Variants in SLC9A2 observed in about 807,000 individuals in gnomAD.
SLC9A2 encodes the protein sodium/hydrogen exchanger 2.
In SLC9A2, 42 loss-of-function variants were observed where a neutral mutation model predicts 71.7. That is an observed-to-expected ratio of 0.59 (90% CI 0.46 to 0.76). The LOEUF (loss-of-function observed/expected upper bound fraction) is 0.76, where lower values mean the gene tolerates loss of function less well. Among genes scored for constraint, SLC9A2 ranks in the 30% least tolerant of loss-of-function variants. The pLI is 0.00. For synonymous variants in SLC9A2, 396 were observed against 392.5 expected (o/e 1.01, Z -0.10); for missense variants, 829 against 1,017.4 (o/e 0.81, Z 2.52).
In SLC9A2 at chr2:102,663,528, C is replaced by T. The variant is rs57554488; in HGVS notation, c.754-1572C>T. Among the ~76,000 whole-genome samples the T allele has an allele frequency of 8.3e-3, 1,268 of 152,276 alleles. 18 individuals carry two copies. Among genetic ancestry groups the T allele is most frequent in the African/African-American group, 0.028 (1,177 of 41,552 alleles). ...GAAGTAAAAAGTGAGATGGCATTTGCCAGGCCGCACACTGCTTACCAGGCA... is the reference window on the plus strand; with the variant it reads ...GAAGTAAAAAGTGAGATGGCATTTGTCAGGCCGCACACTGCTTACCAGGCA... On this transcript the variant is annotated intron_variant, in intron 2 of 11. Transcript: ENST00000233969.
chr2:102,646,059 T>C (rs1676717465), intron 1 of SLC9A2, among the ~76,000 whole-genome samples: 1 of 152,070 alleles, frequency 6.6e-6, no homozygotes. Flanking sequence ...GAGAGAAAGA[T>C]CAGGTTACCT....
chr2:102,621,561 G>A (rs191741041), intron 1 of SLC9A2, among the ~76,000 whole-genome samples: 190 of 152,122 alleles, frequency 1.2e-3, no homozygotes, highest in African/African-American at 4.3e-3. Flanking sequence ...ATAATGATTC[G>A]ATTAAGTTGT....
At chr2:102,651,991 C>T (rs1221442006) in intron 1 of SLC9A2, among the ~76,000 whole-genome samples, 1 of 152,076 alleles carries the variant, frequency 6.6e-6, no homozygotes, top group Non-Finnish European at 1.5e-5. Context: ...GCTAAAGAGT[C>T]ACATTCTGTC....
chr2:102,700,358 G>A (rs1393959513), intron 7 of SLC9A2, among the ~76,000 whole-genome samples: 1 of 152,120 alleles, frequency 6.6e-6, no homozygotes, highest in African/African-American at 2.4e-5. Context: ...GTGAGTGGCG[G>A]TATGAAAGAG....
chr2:102,629,961 C>T (rs1676326426), intron 1 of SLC9A2, among the ~76,000 whole-genome samples: 1 of 152,038 alleles, frequency 6.6e-6, no homozygotes, highest in South Asian at 2.1e-4. Context: ...ACAATAATTT[C>T]ATGGAACATA....
chr2:102,641,103 T>C (rs965819077), intron 1 of SLC9A2, among the ~76,000 whole-genome samples: 16 of 152,114 alleles, frequency 1.1e-4, no homozygotes, highest in African/African-American at 3.9e-4. Flanking sequence ...AATAGGAGCG[T>C]CACAGTGAAT....
At chr2:102,690,125 T>C (rs1488569497) in intron 5 of SLC9A2, among the ~76,000 whole-genome samples, 1 of 151,952 alleles carries the variant, frequency 6.6e-6, no homozygotes, top group Non-Finnish European at 1.5e-5. Context: ...AACATAGCAA[T>C]ATTTAGAAAT....
chr2:102,620,173 C>A (rs772902314), intron 1 of SLC9A2, 36 bp downstream of exon 1: 2 of 1,556,162 alleles, frequency 1.3e-6, no homozygotes, highest in African/African-American at 1.4e-5. Flanking sequence ...TGGGAGGGGG[C>A]GATCTCGGGG....
Position 102,683,295 on chromosome 2 carries a change from G to A in SLC9A2, c.1039G>A (p.Val347Ile), listed in dbSNP as rs368738669. ...TACAMTMNKY[V>I]EENVSQKSYT... ...TTGTGCAATGACTATGAATAAGTAC[G>A]TAGAAGAAAATGTATCTCAGAAATC... Residue 347 changes from valine to isoleucine, a missense_variant, in exon 4 of 12, where the codon GTA (valine) becomes ATA (isoleucine). This residue lies in a region of SLC9A2 where 500 missense variants were observed against 726.3 expected (regional missense o/e 0.69). Transcript: ENST00000233969. The A allele has an allele frequency of 1.4e-5, 23 of 1,613,516 alleles. No homozygotes were observed. The highest frequency in any genetic ancestry group is 2.7e-5 in the African/African-American group (2 of 74,842).
chr2:102,634,570 T>G (rs1482160769), intron 1 of SLC9A2, among the ~76,000 whole-genome samples: 1 of 152,216 alleles, frequency 6.6e-6, no homozygotes, highest in Admixed American at 6.5e-5. Flanking sequence ...TATCATACCA[T>G]GAAAATCTGT....
rs550426845 is a variant in SLC9A2 at position 102,678,500 on chromosome 2, C to A, written c.1005-4761C>A. ...CAGAATTTTCTATAATATAAAGAAT[C>A]TATTTAGGTTATTATTTTGTTGGGG... is the stretch of plus-strand genomic sequence containing the variant. On this transcript the variant is annotated intron_variant, in intron 3 of 11. Coordinates refer to ENST00000233969, the MANE Select transcript of SLC9A2 (RefSeq NM_003048.6). Among the ~76,000 whole-genome samples, 6 of 152,150 alleles carry A rather than the reference C, an allele frequency of 3.9e-5. No individual in the cohort carries two copies. In the South Asian group the frequency reaches 1.2e-3, roughly 32 times the overall value.
intron 3 of SLC9A2, among the ~76,000 whole-genome samples, chr2:102,670,036 TTTTTA>T (rs1386065300): frequency 7.2e-5 from 2 of 27,606 alleles, no homozygotes; most frequent in East Asian, 0.083. Context: ...TTATTTTTAT[TTTTTA>T]TTTTTTTTGA....
At chr2:102,688,801 T>C (rs11903595) in intron 5 of SLC9A2, among the ~76,000 whole-genome samples, 124,227 of 152,172 alleles carry the variant, frequency 0.82, 50,962 homozygotes, top group East Asian at 0.93. Flanking sequence ...TTTCAATATA[T>C]TTTTCTTTGG....
chr2:102,644,067 G>A (rs1030415302), intron 1 of SLC9A2, among the ~76,000 whole-genome samples: 3 of 152,032 alleles, frequency 2.0e-5, no homozygotes, highest in Non-Finnish European at 4.4e-5. Flanking sequence ...TGGCCAAATA[G>A]GAACAGCTCC....
intron 5 of SLC9A2, among the ~76,000 whole-genome samples, chr2:102,689,278 C>G (rs879503876): frequency 1.3e-5 from 2 of 152,158 alleles, no homozygotes; most frequent in African/African-American, 4.8e-5. Flanking sequence ...ATATATTGCT[C>G]TCTCAGAAGG....
chr2:102,649,852 C>A (rs533693292), intron 1 of SLC9A2, among the ~76,000 whole-genome samples: 55 of 152,266 alleles, frequency 3.6e-4, no homozygotes, highest in Admixed American at 1.3e-3. Context: ...AATAGGAAAG[C>A]TTTTACACTG....
chr2:102,684,619 T>G (rs1677513244), intron 5 of SLC9A2, among the ~76,000 whole-genome samples: 1 of 152,242 alleles, frequency 6.6e-6, no homozygotes, highest in African/African-American at 2.4e-5. Context: ...TAATGCTTAT[T>G]ATTTTTCTGA....
chr2:102,662,832 C>T (rs1342261516), intron 2 of SLC9A2, among the ~76,000 whole-genome samples: 2 of 151,602 alleles, frequency 1.3e-5, no homozygotes, highest in East Asian at 1.9e-4. Context: ...GGAGTGGCAG[C>T]CTTTGAAGGA....
intron 7 of SLC9A2, chr2:102,697,461 C>T (rs1172625363): frequency 6.6e-6 from 1 of 151,830 alleles, no homozygotes; most frequent in Non-Finnish European, 1.5e-5. Context: ...TGCTCCATGC[C>T]TGAAAGGTAA....
Sources: gnomAD v4.1 joint callset for allele counts (sites outside exome capture counted in the v4.1 genomes callset) on GRCh38, gnomAD v4.1.1 for gene constraint, gnomAD v4.1.1 regional missense constraint, MANE v1.5 for transcripts, NCBI Gene and HGNC (gene_info 2026-07-23, HGNC 2026-07-21) for gene names.